The following IQCH variants were observed in gnomAD, a reference collection of about 807,000 sequenced individuals.
The protein encoded by IQCH is IQ motif containing H.
Under a neutral mutation model 117.0 loss-of-function variants are expected in IQCH, and 98 were observed. That is an observed-to-expected ratio of 0.84 (90% CI 0.71 to 0.99). The LOEUF (loss-of-function observed/expected upper bound fraction) is 0.99, where lower values mean the gene tolerates loss of function less well. Ranked by LOEUF, IQCH falls within the 50% of genes least tolerant of loss-of-function variation. The pLI is 0.00. For missense variants in IQCH, 1,102 were observed against 1,243.8 expected, an observed-to-expected ratio of 0.89 and a Z score of 1.72; for synonymous variants, 412 against 448.2, an observed-to-expected ratio of 0.92 and a Z score of 1.02.
intron 16 of IQCH, among the ~76,000 whole-genome samples, chr15:67,439,196 A>G (rs959733395): frequency 6.6e-6 from 1 of 152,254 alleles, no homozygotes; most frequent in East Asian, 1.9e-4. Context: ...AATTGAAATT[A>G]TATCAAGCAC....
chr15:67,350,768 T>A (rs1969623659), intron 6 of IQCH, among the ~76,000 whole-genome samples: 1 of 152,158 alleles, frequency 6.6e-6, no homozygotes, highest in African/African-American at 2.4e-5. Flanking sequence ...GTTATATGAC[T>A]TACACATTTG....
At position 67,501,666 on chromosome 15, in the gene IQCH, A is replaced by G. The variant is rs1198974244; in HGVS notation, c.*920A>G. Reference sequence around the variant, plus strand: ...AAAACCATTATTGTTTTAAAGAATGACCTTTATGTCTATAAAAATATTTTA... The same window carrying G: ...AAAACCATTATTGTTTTAAAGAATGGCCTTTATGTCTATAAAAATATTTTA... On this transcript the variant is annotated 3_prime_UTR_variant, in exon 21 of 21. Coordinates refer to ENST00000335894, the MANE Select transcript of IQCH (RefSeq NM_001031715.3). This position sits in a 1 kb window ranked among gnomAD's most constrained non-coding sequence, Gnocchi z 5.2. 1 of 152,244 alleles carries G rather than the reference A, an allele frequency of 6.6e-6. No individual in the cohort carries two copies. Among genetic ancestry groups the G allele is most frequent in the Non-Finnish European group, 1.5e-5 (1 of 68,044 alleles). 9.4% of individuals were successfully genotyped at this position (152,244 alleles called of 1,614,324 possible). A position where few individuals can be genotyped will look rare whatever the true frequency, so the allele number is the denominator to read the frequency against.
rs1163349944 is a variant in IQCH, at chr15:67,391,834, C to T, written c.1632+2828C>T. 5.3e-5 allele frequency among the ~76,000 whole-genome samples: 8 copies of T among 152,136 alleles called. No homozygotes were observed. Among genetic ancestry groups the T allele is most frequent in the South Asian group, 4.1e-4 (2 of 4,826 alleles). On this transcript the variant is annotated intron_variant, in intron 12 of 20. Coordinates refer to ENST00000335894, the MANE Select transcript of IQCH (RefSeq NM_001031715.3). This position sits in a 1 kb window ranked among gnomAD's most constrained non-coding sequence, Gnocchi z 4.3. ...TCTTGCCTGGAGTCTAGGGCATGCC[C>T]GCAGATGACTATAATACAGAGTTGG...
At chr15:67,263,274 C>T (rs1965534039) in intron 3 of IQCH, 58 bp downstream of exon 3, 6 of 870,472 alleles carry the variant, frequency 6.9e-6, no homozygotes, top group Non-Finnish European at 1.1e-5. Context: ...TAACTTTTCT[C>T]ACTCAAGTGA....
intron 4 of IQCH, among the ~76,000 whole-genome samples, chr15:67,283,083 A>T (rs751521518): frequency 9.2e-5 from 14 of 152,200 alleles, no homozygotes; most frequent in Admixed American, 3.3e-4. Context: ...GGCGAAATCA[A>T]TATGGACTCC....
In IQCH at chr15:67,370,031, G is replaced by A. The variant is rs1327167406; in HGVS notation, c.754-2080G>A. 6.6e-6 allele frequency among the ~76,000 whole-genome samples: 1 copy of A among 152,136 alleles called. No individual in the cohort carries two copies. The highest frequency in any genetic ancestry group is 2.4e-5 in the African/African-American group (1 of 41,418). On this transcript the variant is annotated intron_variant, in intron 8 of 20. Transcript: ENST00000335894. This position sits in a 1 kb window ranked among gnomAD's most constrained non-coding sequence, Gnocchi z 5.6. ...GGTGTAATCCCTTTGTTCTAAAACA[G>A]CCACTGATAAATTTTGCTCCCACTG...
At position 67,416,817 on chromosome 15, in the gene IQCH, A is replaced by T; in HGVS notation, c.2098-114A>T. On this transcript the variant is annotated intron_variant, in intron 14 of 20. Transcript: ENST00000335894. The surrounding 1 kb of genome is among the most constrained non-coding windows in gnomAD (Gnocchi z 5.1). ...TCAAAATGGCTTTCTGACTCTGGGT[A>T]AACAGTAACCACATTTTTTTTGCCT... The T allele has an allele frequency of 1.3e-6, 1 of 770,090 alleles. No individual in the cohort carries two copies. The highest frequency in any genetic ancestry group is 1.9e-6 in the Non-Finnish European group (1 of 531,720). 47.7% of individuals were successfully genotyped at this position (770,090 alleles called of 1,614,324 possible).
chr15:67,289,248 A>G (rs1966673556), intron 4 of IQCH, among the ~76,000 whole-genome samples: 1 of 152,178 alleles, frequency 6.6e-6, no homozygotes, highest in Non-Finnish European at 1.5e-5. Context: ...ACATGATCAT[A>G]ATAGTGATTT....
chr15:67,308,766 T>C (rs1967438010), intron 4 of IQCH, among the ~76,000 whole-genome samples: 1 of 152,022 alleles, frequency 6.6e-6, no homozygotes, highest in Non-Finnish European at 1.5e-5. Flanking sequence ...TGGTTTGGAA[T>C]AATGGGAAAG....
At position 67,416,416 on chromosome 15, in the gene IQCH, C is replaced by T. The variant is rs1275527833; in HGVS notation, c.2098-515C>T. Among the ~76,000 whole-genome samples, 1 of 151,926 alleles carries T rather than the reference C, an allele frequency of 6.6e-6. No homozygotes were observed. Among genetic ancestry groups the T allele is most frequent in the African/African-American group, 2.4e-5 (1 of 41,330 alleles). On this transcript the variant is annotated intron_variant, in intron 14 of 20. Coordinates refer to ENST00000335894, the MANE Select transcript of IQCH (RefSeq NM_001031715.3). This position sits in a 1 kb window ranked among gnomAD's most constrained non-coding sequence, Gnocchi z 5.1. ...CCTGTAGTCCCAGCTACTCGGGAGG[C>T]TGAGGCAGGAGAATCACTTGAACCC...
rs889575938 is a variant in IQCH at position 67,388,654 on chromosome 15, C to G, written c.1457-177C>G. Among the ~76,000 whole-genome samples, 5 of 151,996 alleles carry G rather than the reference C, an allele frequency of 3.3e-5. No individual in the cohort carries two copies. The highest frequency in any genetic ancestry group is 9.7e-5 in the African/African-American group (4 of 41,350). On this transcript the variant is annotated intron_variant, in intron 11 of 20. Transcript: ENST00000335894. The surrounding 1 kb of genome is among the most constrained non-coding windows in gnomAD (Gnocchi z 5.5). The stretch of plus-strand genomic sequence containing the variant: ...ATTTATATTTTCTTTAGAGAAATGC[C>G]GAACTGTAAAAAAGCCAGTTAGATT...
At chr15:67,309,114 AAT>A (rs1483844850) in intron 4 of IQCH, among the ~76,000 whole-genome samples, 3 of 152,098 alleles carry the variant, frequency 2.0e-5, no homozygotes, top group Admixed American at 6.6e-5. Context: ...AAATGTCCAC[AAT>A]AAAAGTATCT....
At position 67,494,865 on chromosome 15, in the gene IQCH, C is replaced by G. The variant is rs932722653; in HGVS notation, c.2970+499C>G. Among the ~76,000 whole-genome samples the G allele has an allele frequency of 2.0e-5, 3 of 152,160 alleles. No individual in the cohort carries two copies. Among genetic ancestry groups the G allele is most frequent in the African/African-American group, 7.2e-5 (3 of 41,450 alleles). On this transcript the variant is annotated intron_variant, in intron 20 of 20. Coordinates refer to ENST00000335894, the MANE Select transcript of IQCH (RefSeq NM_001031715.3). The surrounding 1 kb of genome is among the most constrained non-coding windows in gnomAD (Gnocchi z 5.5). ...GCCATCTACCCCACCCGTTTCTCCA[C>G]CGTGGGTTGGATTATTTCACTACTA...
In IQCH at chr15:67,447,550, C is replaced by T. The variant is rs921850384; in HGVS notation, c.2506-17577C>T. Among the ~76,000 whole-genome samples, 1 of 152,162 alleles carries T rather than the reference C, an allele frequency of 6.6e-6. No homozygotes were observed. The highest frequency in any genetic ancestry group is 2.4e-5 in the African/African-American group (1 of 41,434). On this transcript the variant is annotated intron_variant, in intron 16 of 20. Coordinates refer to ENST00000335894, the MANE Select transcript of IQCH (RefSeq NM_001031715.3). This position sits in a 1 kb window ranked among gnomAD's most constrained non-coding sequence, Gnocchi z 5.3. ...AGGATGTATTGGATTACTGGGTTAA[C>T]TTGATGGGGTTGAGGGAGTGTCCCC...
intron 4 of IQCH, among the ~76,000 whole-genome samples, chr15:67,292,103 C>T (rs1232255763): frequency 6.6e-6 from 1 of 152,030 alleles, no homozygotes; most frequent in African/African-American, 2.4e-5. Context: ...TTCCTTGGCC[C>T]CTCTTCCATG....
Position 67,433,179 on chromosome 15 carries a change from CT to C in IQCH, c.2505+11604del, listed in dbSNP as rs2082054979. 6.6e-6 allele frequency among the ~76,000 whole-genome samples: 1 copy of C among 152,116 alleles called. No homozygotes were observed. Among genetic ancestry groups the C allele is most frequent in the South Asian group, 2.1e-4 (1 of 4,824 alleles). ...ACTTGGAAGCATTAAAGTAAAAGAC[CT>C]TCTCCCTTTAAAAGGGCTGTATCTT... On this transcript the variant is annotated intron_variant, in intron 16 of 20. Transcript: ENST00000335894. This position sits in a 1 kb window ranked among gnomAD's most constrained non-coding sequence, Gnocchi z 5.4.
chr15:67,296,197 TAAAGAA>T, intron 4 of IQCH, among the ~76,000 whole-genome samples: 1 of 152,276 alleles, frequency 6.6e-6, no homozygotes, highest in South Asian at 2.1e-4. Flanking sequence ...TGAATTCTGT[TAAAGAA>T]AGAGAGATAG....
chr15:67,454,451 T>C lies in IQCH; in HGVS notation c.2506-10676T>C, dbSNP rs920145476. ...AAAATTCACACTTTTAAAATATACATTACAATGGTTTTTAGTATATTCACA... is the reference window on the plus strand; with the variant it reads ...AAAATTCACACTTTTAAAATATACACTACAATGGTTTTTAGTATATTCACA... On this transcript the variant is annotated intron_variant, in intron 16 of 20. Transcript: ENST00000335894. The surrounding 1 kb of genome is among the most constrained non-coding windows in gnomAD (Gnocchi z 5.2). 6.6e-6 allele frequency among the ~76,000 whole-genome samples: 1 copy of C among 152,174 alleles called. No homozygotes were observed. Among genetic ancestry groups the C allele is most frequent in the Non-Finnish European group, 1.5e-5 (1 of 68,030 alleles).
intron 4 of IQCH, among the ~76,000 whole-genome samples, chr15:67,296,976 A>C (rs191787838): frequency 6.6e-6 from 1 of 152,178 alleles, no homozygotes; most frequent in African/African-American, 2.4e-5. Flanking sequence ...TTATTCTCCA[A>C]TTCAACTCCT....
Sources: allele counts gnomAD v4.1 joint callset (sites outside exome capture counted in the v4.1 genomes callset), GRCh38; gene constraint gnomAD v4.1.1; non-coding constraint Gnocchi (gnomAD v3.1); transcripts MANE v1.5; gene names NCBI Gene and HGNC (gene_info 2026-07-23, HGNC 2026-07-21).